Variants in NCOA3 observed in about 807,000 individuals in gnomAD.
The protein encoded by NCOA3 is CBP-interacting protein.
NCOA3 carries 51 observed loss-of-function variants against 158.8 expected under a neutral mutation model. The observed-to-expected ratio is 0.32, with a 90% CI of 0.26 to 0.41. The LOEUF (loss-of-function observed/expected upper bound fraction) is 0.41. NCOA3 is among the 10% of genes least tolerant of loss of function. The pLI is 1.00. For synonymous variants in NCOA3, 537 were observed against 592.4 expected, an observed-to-expected ratio of 0.91 and a Z score of 1.36; for missense variants, 1,510 against 1,746.6, an observed-to-expected ratio of 0.86 and a Z score of 2.41.
intron 2 of NCOA3, among the ~76,000 whole-genome samples, chr20:47,585,926 GTTTTTTT>G (rs61328257): frequency 7.4e-6 from 1 of 135,600 alleles, no homozygotes; most frequent in African/African-American, 2.7e-5. Context: ...ATCTCCACAG[GTTTTTTT>G]TTTTTTTTTT....
chr20:47,620,815 A>T (rs913372197), intron 2 of NCOA3, among the ~76,000 whole-genome samples: 5 of 152,208 alleles, frequency 3.3e-5, no homozygotes, highest in African/African-American at 1.2e-4. Context: ...AATATTCTTT[A>T]TAGCATTTTC....
At chr20:47,558,127 G>A (rs943642578) in intron 1 of NCOA3, among the ~76,000 whole-genome samples, 1 of 148,092 alleles carries the variant, frequency 6.8e-6, no homozygotes, top group Non-Finnish European at 1.5e-5. Flanking sequence ...GCGCAATCTC[G>A]GCTCACTGCA....
Position 47,656,760 on chromosome 20 carries a change from C to T in NCOA3, c.*3343C>T, listed in dbSNP as rs973085987. The T allele has an allele frequency of 1.3e-5, 2 of 152,356 alleles. No individual in the cohort carries two copies. The highest frequency in any genetic ancestry group is 2.4e-5 in the African/African-American group (1 of 41,380). 9.4% of individuals were successfully genotyped at this position (152,356 alleles called of 1,614,324 possible). A position where few individuals can be genotyped will look rare whatever the true frequency, so the allele number is the denominator to read the frequency against. ...GTTGCTTAAAAAAATAGAAATTATT[C>T]TTTATCTTGCAAAGAATTGAAACCA... is the stretch of plus-strand genomic sequence containing the variant. On this transcript the variant is annotated 3_prime_UTR_variant, in exon 23 of 23. Coordinates refer to ENST00000371998, the MANE Select transcript of NCOA3 (RefSeq NM_181659.3).
intron 1 of NCOA3, among the ~76,000 whole-genome samples, chr20:47,569,975 G>A (rs34453886): frequency 0.093 from 14,116 of 151,484 alleles, 810 homozygotes; most frequent in Non-Finnish European, 0.12. Flanking sequence ...ACGCCACTGC[G>A]CTCCAGCCTG....
At chr20:47,639,884 G>A (rs1438408056) in intron 15 of NCOA3, 41 bp from the exon 16 acceptor site, 1 of 1,612,910 alleles carries the variant, frequency 6.2e-7, no homozygotes, top group Non-Finnish European at 8.5e-7. Flanking sequence ...GATAATTTTT[G>A]CTCTTATTTG....
chr20:47,559,731 A>G (rs1236201673), intron 1 of NCOA3, among the ~76,000 whole-genome samples: 1 of 152,038 alleles, frequency 6.6e-6, no homozygotes, highest in Non-Finnish European at 1.5e-5. Context: ...AAATACAAAA[A>G]AATTAGCCTC....
chr20:47,611,973 C>T lies in NCOA3; in HGVS notation c.-19-10256C>T, dbSNP rs150746939. Among the ~76,000 whole-genome samples, 205 of 152,142 alleles carry T rather than the reference C, an allele frequency of 1.3e-3. 1 individual carries two copies. The highest frequency in any genetic ancestry group is 2.5e-3 in the Admixed American group (38 of 15,272). The stretch of plus-strand genomic sequence containing the variant: ...CCGAGTAGCTGCGACTACAGGTGTG[C>T]GTCACCACGCTTGGCTAAGTGTTTT... On this transcript the variant is annotated intron_variant, in intron 2 of 22. Coordinates refer to ENST00000371998, the MANE Select transcript of NCOA3 (RefSeq NM_181659.3).
intron 1 of NCOA3, among the ~76,000 whole-genome samples, chr20:47,514,622 C>T (rs62203117): frequency 1.3e-5 from 2 of 151,498 alleles, no homozygotes; most frequent in African/African-American, 4.9e-5. Context: ...CAAATTCCTG[C>T]CCTCAAGTGA....
chr20:47,641,177 T>C (rs544499665), intron 16 of NCOA3, among the ~76,000 whole-genome samples: 2 of 152,254 alleles, frequency 1.3e-5, no homozygotes, highest in African/African-American at 4.8e-5. Context: ...TTTAACTTCA[T>C]GCCCTTGTAT....
chr20:47,508,853 T>C (rs2084069596), intron 1 of NCOA3, among the ~76,000 whole-genome samples: 1 of 152,210 alleles, frequency 6.6e-6, no homozygotes, highest in South Asian at 2.1e-4. Context: ...GAGTTCAGAA[T>C]AATTTGTAAG....
At chr20:47,566,743 C>T (rs1256997614) in intron 1 of NCOA3, among the ~76,000 whole-genome samples, 3 of 152,100 alleles carry the variant, frequency 2.0e-5, no homozygotes, top group African/African-American at 4.8e-5. Flanking sequence ...ATCCTGAGCT[C>T]ATGCAGTTAA....
rs749582388 is a variant in NCOA3, at chr20:47,621,654, A to ATTTTTTTTT, written c.-19-566_-19-558dup. On this transcript the variant is annotated intron_variant, in intron 2 of 22. Coordinates refer to ENST00000371998, the MANE Select transcript of NCOA3 (RefSeq NM_181659.3). Reference sequence around the variant, plus strand: ...AGCATACTATTTTTCCATCAGTCAAATTTTTTTTTTTTTTTTTGAGACGGA... The same window carrying ATTTTTTTTT: ...AGCATACTATTTTTCCATCAGTCAAATTTTTTTTTTTTTTTTTTTTTTTTTTGAGACGGA... Among the ~76,000 whole-genome samples the ATTTTTTTTT allele has an allele frequency of 6.5e-3, 778 of 119,694 alleles. 78 individuals are homozygous for ATTTTTTTTT. The highest frequency in any genetic ancestry group is 0.02 in the African/African-American group (592 of 29,370). The allele number at this position is 119,694 out of a possible 152,430, so 78.5% of individuals were successfully genotyped here.
intron 1 of NCOA3, among the ~76,000 whole-genome samples, chr20:47,531,919 C>T (rs1186795684): frequency 6.6e-6 from 1 of 151,990 alleles, no homozygotes; most frequent in Non-Finnish European, 1.5e-5. Context: ...TTGTTTAGTC[C>T]TTGACCCCTC....
intron 5 of NCOA3, 117 bp from the exon 6 acceptor site, chr20:47,626,885 T>G (rs2086330857): frequency 1.1e-6 from 1 of 889,228 alleles, no homozygotes; most frequent in Non-Finnish European, 1.7e-6. Context: ...AATTACCTCC[T>G]TGAAGGTCTT....
chr20:47,615,264 A>G (rs2086113559), intron 2 of NCOA3, among the ~76,000 whole-genome samples: 1 of 152,370 alleles, frequency 6.6e-6, no homozygotes, highest in African/African-American at 2.4e-5. Flanking sequence ...TAGGAAAAGT[A>G]AAATATTTTA....
chr20:47,645,068 T>C (rs72645290), intron 17 of NCOA3, among the ~76,000 whole-genome samples: 1 of 152,264 alleles, frequency 6.6e-6, no homozygotes, highest in African/African-American at 2.4e-5. Flanking sequence ...GGTAATCTTT[T>C]ATTACCTGGT....
chr20:47,606,133 T>C (rs1039404936), intron 2 of NCOA3, among the ~76,000 whole-genome samples: 5 of 152,222 alleles, frequency 3.3e-5, no homozygotes, highest in African/African-American at 4.8e-5. Context: ...CATGAGCCAC[T>C]GCTCCTGGCC....
chr20:47,625,987 C>T (rs2086316294), intron 5 of NCOA3, among the ~76,000 whole-genome samples: 1 of 152,140 alleles, frequency 6.6e-6, no homozygotes, highest in Non-Finnish European at 1.5e-5. Flanking sequence ...GCAAATACAC[C>T]ATTTTATATT....
intron 1 of NCOA3, among the ~76,000 whole-genome samples, chr20:47,547,803 C>T (rs2084857610): frequency 1.3e-5 from 2 of 152,212 alleles, no homozygotes; most frequent in East Asian, 1.9e-4. Context: ...GCAACCTCCA[C>T]CTCCTGGGTT....
Sources: gnomAD v4.1 joint callset for allele counts (sites outside exome capture counted in the v4.1 genomes callset) on GRCh38, gnomAD v4.1.1 for gene constraint, MANE v1.5 for transcripts, NCBI Gene and HGNC (gene_info 2026-07-23, HGNC 2026-07-21) for gene names.